Variants in ENTPD1 observed in about 807,000 individuals in gnomAD.
The protein encoded by ENTPD1 is ATP diphosphohydrolase.
In ENTPD1, 33 loss-of-function variants were observed where a neutral mutation model predicts 57.0. The observed-to-expected ratio is 0.58, with a 90% CI of 0.44 to 0.77. The LOEUF (loss-of-function observed/expected upper bound fraction) is 0.77. Ranked by LOEUF, ENTPD1 falls within the 30% of genes least tolerant of loss-of-function variation. The pLI, the probability that ENTPD1 is intolerant of heterozygous loss-of-function variation, is 0.00. For missense variants in ENTPD1, 501 were observed against 603.4 expected, an observed-to-expected ratio of 0.83 and a Z score of 1.78; for synonymous variants, 202 against 218.8, an observed-to-expected ratio of 0.92 and a Z score of 0.68.
chr10:95,761,501 C>T (rs2098062664), intron 1 of ENTPD1, among the ~76,000 whole-genome samples: 1 of 152,084 alleles, frequency 6.6e-6, no homozygotes, highest in Non-Finnish European at 1.5e-5. Context: ...ACTAAATGAC[C>T]AAGCTCTTCC....
At chr10:95,796,155 C>A (rs1405854937) in intron 1 of ENTPD1, among the ~76,000 whole-genome samples, 1 of 152,212 alleles carries the variant, frequency 6.6e-6, no homozygotes, top group African/African-American at 2.4e-5. Context: ...CCATTTCACT[C>A]ATTCAACTGA....
intron 7 of ENTPD1, among the ~76,000 whole-genome samples, chr10:95,857,064 G>A (rs926238799): frequency 1.3e-5 from 2 of 152,032 alleles, no homozygotes; most frequent in South Asian, 4.2e-4. Context: ...GAAAAGAAAT[G>A]AATAGGGAAA....
At chr10:95,764,435 T>C (rs2098080134) in intron 1 of ENTPD1, among the ~76,000 whole-genome samples, 2 of 152,218 alleles carry the variant, frequency 1.3e-5, no homozygotes, top group African/African-American at 4.8e-5. Flanking sequence ...CACTTGTATG[T>C]CTATGTTTAA....
chr10:95,722,177 A>G (rs1192821016), intron 1 of ENTPD1, among the ~76,000 whole-genome samples: 3 of 151,834 alleles, frequency 2.0e-5, no homozygotes, highest in Non-Finnish European at 2.9e-5. Flanking sequence ...TTATTAGGCA[A>G]TTCTCCTAAC....
chr10:95,729,140 A>G (rs1316218995), intron 1 of ENTPD1, among the ~76,000 whole-genome samples: 1 of 152,152 alleles, frequency 6.6e-6, no homozygotes, highest in Non-Finnish European at 1.5e-5. Flanking sequence ...GGACTCTCAA[A>G]GTTCAAACTT....
chr10:95,796,935 G>A (rs999021702), intron 1 of ENTPD1, among the ~76,000 whole-genome samples: 3 of 151,926 alleles, frequency 2.0e-5, no homozygotes, highest in South Asian at 4.1e-4. Context: ...AGCCAGGTGC[G>A]GTGGTGCACG....
intron 1 of ENTPD1, among the ~76,000 whole-genome samples, chr10:95,785,692 G>A (rs1201233963): frequency 1.3e-5 from 2 of 152,180 alleles, no homozygotes; most frequent in African/African-American, 2.4e-5. Flanking sequence ...GAGTGTCAAT[G>A]TCTCCTAATA....
chr10:95,790,486 C>T (rs2098199227), intron 1 of ENTPD1, among the ~76,000 whole-genome samples: 1 of 152,076 alleles, frequency 6.6e-6, no homozygotes, highest in Admixed American at 6.6e-5. Flanking sequence ...TTTATTTCAT[C>T]AAGAGTTTAA....
intron 2 of ENTPD1, among the ~76,000 whole-genome samples, chr10:95,830,548 G>T (rs1362554654): frequency 6.6e-6 from 1 of 152,138 alleles, no homozygotes; most frequent in African/African-American, 2.4e-5. Context: ...GCTCACTCCT[G>T]TAATCCCAGC....
At chr10:95,755,387 T>C, upstream of ENTPD1, 1 of 297,778 alleles carries the variant, frequency 3.4e-6, no homozygotes, top group South Asian at 6.3e-5. Context: ...TTAGCCCTTG[T>C]TTTGATTTCA....
rs752627246 is a variant in ENTPD1 at position 95,873,927 on chromosome 10, C to T, written c.*7544C>T. On this transcript the variant is annotated 3_prime_UTR_variant, in exon 10 of 10. Coordinates refer to ENST00000371205, the MANE Select transcript of ENTPD1 (RefSeq NM_001776.6). ...GTGGGACTTATTATCACGAGAATAG[C>T]ACAGAAAAGACTGGCCTCCATGATT... Among the ~76,000 whole-genome samples, 1 of 152,136 alleles carries T rather than the reference C, an allele frequency of 6.6e-6. No homozygotes were observed. Among genetic ancestry groups the T allele is most frequent in the Non-Finnish European group, 1.5e-5 (1 of 68,012 alleles).
chr10:95,737,150 C>A (rs139633759), intron 1 of ENTPD1, among the ~76,000 whole-genome samples: 42 of 152,280 alleles, frequency 2.8e-4, no homozygotes, highest in Non-Finnish European at 4.7e-4. Flanking sequence ...CTACTATGTG[C>A]AGGCTCTGTG....
chr10:95,775,106 G>C (rs184102860), intron 1 of ENTPD1, among the ~76,000 whole-genome samples: 16 of 152,292 alleles, frequency 1.1e-4, no homozygotes. Context: ...CTGAATGGGA[G>C]TTCACTCATC....
chr10:95,725,516 G>A (rs1208639263), intron 1 of ENTPD1, among the ~76,000 whole-genome samples: 1 of 152,108 alleles, frequency 6.6e-6, no homozygotes, highest in African/African-American at 2.4e-5. Context: ...GGATTAAACT[G>A]CAGATTCTCT....
chr10:95,848,069 A>G (rs1283763553), intron 7 of ENTPD1, among the ~76,000 whole-genome samples: 1 of 152,178 alleles, frequency 6.6e-6, no homozygotes, highest in South Asian at 2.1e-4. Flanking sequence ...GCAGTGTGGG[A>G]AAACTGACTA....
chr10:95,871,361 C>T lies in ENTPD1; in HGVS notation c.*4978C>T, dbSNP rs2098480211. 1.0e-6 allele frequency: 1 copy of T among 985,324 alleles called. No individual in the cohort carries two copies. Among genetic ancestry groups the T allele is most frequent in the Non-Finnish European group, 1.2e-6 (1 of 829,924 alleles). The allele number at this position is 985,324 out of a possible 1,614,324, so 61.0% of individuals were successfully genotyped here. A position where few individuals can be genotyped will look rare whatever the true frequency, so the allele number is the denominator to read the frequency against. On this transcript the variant is annotated 3_prime_UTR_variant, in exon 10 of 10. Coordinates refer to ENST00000371205, the MANE Select transcript of ENTPD1 (RefSeq NM_001776.6). ...CTTCTAAGACATCATCAGTCTGCAA[C>T]TTCTTTCCATAGCCTTAATCAGGAT...
At chr10:95,717,677 C>T (rs571828161) in intron 1 of ENTPD1, among the ~76,000 whole-genome samples, 1 of 152,288 alleles carries the variant, frequency 6.6e-6, no homozygotes, top group African/African-American at 2.4e-5. Context: ...CCAGCTAGTC[C>T]TGTCTCTCAG....
At position 95,871,161 on chromosome 10, in the gene ENTPD1, CA is replaced by C. The variant is rs2098479996; in HGVS notation, c.*4781del. ...GTCAGATAAACAGTGGGAGGAATGG[CA>C]AAGTCATATGGCCAAGGCCATGAGT... On this transcript the variant is annotated 3_prime_UTR_variant, in exon 10 of 10. Transcript: ENST00000371205. 1.0e-6 allele frequency: 1 copy of C among 985,396 alleles called. No homozygotes were observed. The highest frequency in any genetic ancestry group is 6.1e-5 in the Admixed American group (1 of 16,284). 61.0% of individuals were successfully genotyped at this position (985,396 alleles called of 1,614,324 possible).
At chr10:95,806,947 G>C (rs1156619207) in intron 1 of ENTPD1, among the ~76,000 whole-genome samples, 1 of 152,208 alleles carries the variant, frequency 6.6e-6, no homozygotes, top group African/African-American at 2.4e-5. Context: ...GTGTCTCCCA[G>C]TTAGGCTACA....
Sources: gnomAD v4.1 joint callset for allele counts (sites outside exome capture counted in the v4.1 genomes callset) on GRCh38, gnomAD v4.1.1 for gene constraint, MANE v1.5 for transcripts, NCBI Gene and HGNC (gene_info 2026-07-23, HGNC 2026-07-21) for gene names.